Variants in SCFD2 observed in about 807,000 individuals in gnomAD.
The protein encoded by SCFD2 is sec1 family domain-containing protein 2.
In SCFD2, 54 loss-of-function variants were observed where a neutral mutation model predicts 58.9. That is an observed-to-expected ratio of 0.92 (90% confidence interval 0.74 to 1.15). The LOEUF (loss-of-function observed/expected upper bound fraction) is 1.15, where lower values mean the gene tolerates loss of function less well. Among genes scored for constraint, SCFD2 ranks in the 50% most tolerant of loss-of-function variants. SCFD2 has a pLI of 0.00. For synonymous variants in SCFD2, 321 were observed against 335.9 expected (o/e 0.96, Z 0.49); for missense variants, 805 against 836.6 (o/e 0.96, Z 0.47).
intron 4 of SCFD2, among the ~76,000 whole-genome samples, chr4:53,219,941 C>A (rs1264581377): frequency 2.6e-5 from 4 of 152,162 alleles, no homozygotes; most frequent in African/African-American, 9.7e-5. Context: ...CACTTCCAAA[C>A]ACTCACACCA....
At chr4:52,882,758 C>T (rs1718649277) in intron 8 of SCFD2, among the ~76,000 whole-genome samples, 1 of 152,166 alleles carries the variant, frequency 6.6e-6, no homozygotes, top group Non-Finnish European at 1.5e-5. Flanking sequence ...TATTGTGAGA[C>T]CTCACCTTGT....
rs774188396 is a variant in SCFD2 at position 53,365,827 on chromosome 4, C to A, written c.115G>T (p.Gly39Cys). Residue 39 changes from glycine (G) to cysteine (C), a missense_variant, in exon 1 of 9, where the codon GGC (glycine) becomes TGC (cysteine). Physicochemically the swap from Gly to Cys is radical, Grantham distance 159. This residue lies in a region of SCFD2 where 155 missense variants were observed against 149.7 expected (regional missense o/e 1.04). Transcript: ENST00000401642. The surrounding 1 kb of genome is among the most constrained non-coding windows in gnomAD (Gnocchi z 4.3). Reference sequence around the variant, plus strand: ...TCCAGGAGACGGGTGGATCCGCAGCCCCAGTGCAGGCTCTCGGCGCAGGCG... The same window carrying A: ...TCCAGGAGACGGGTGGATCCGCAGCACCAGTGCAGGCTCTCGGCGCAGGCG... The part of the protein sequence containing the change: ...DAACAESLHW[G>C]CGSTRLLEAV... The A allele has an allele frequency of 1.9e-6, 3 of 1,613,946 alleles. No individual in the cohort carries two copies. Among genetic ancestry groups the A allele is most frequent in the South Asian group, 2.2e-5 (2 of 91,058 alleles).
At chr4:53,016,273 G>A (rs1164247454) in intron 5 of SCFD2, among the ~76,000 whole-genome samples, 2 of 152,216 alleles carry the variant, frequency 1.3e-5, no homozygotes, top group South Asian at 2.1e-4. Context: ...TCCTATCCAA[G>A]GAGGAATCTT....
chr4:52,904,274 G>A (rs983430158), intron 7 of SCFD2, among the ~76,000 whole-genome samples: 3 of 152,226 alleles, frequency 2.0e-5, no homozygotes, highest in African/African-American at 7.2e-5. Context: ...AGCACCCTGA[G>A]CACAGGAAGG....
At chr4:53,163,909 T>C (rs187325763) in intron 4 of SCFD2, among the ~76,000 whole-genome samples, 17 of 152,290 alleles carry the variant, frequency 1.1e-4, no homozygotes, top group African/African-American at 3.8e-4. Context: ...CATCTTCTCC[T>C]CCTCTTTTAA....
chr4:53,016,819 C>A (rs144811273), intron 5 of SCFD2, among the ~76,000 whole-genome samples: 50 of 152,208 alleles, frequency 3.3e-4, no homozygotes, highest in East Asian at 3.1e-3. Context: ...TAAAAATGAT[C>A]AAGATCTGGC....
chr4:53,307,248 G>A (rs1163261476), intron 3 of SCFD2, among the ~76,000 whole-genome samples: 1 of 152,226 alleles, frequency 6.6e-6, no homozygotes, highest in African/African-American at 2.4e-5. Context: ...GGAAAGCAAT[G>A]AGAATAGGTA....
chr4:53,306,363 A>G (rs1241407313), intron 3 of SCFD2, among the ~76,000 whole-genome samples: 1 of 152,142 alleles, frequency 6.6e-6, no homozygotes, highest in Admixed American at 6.6e-5. Context: ...AGAGGGAGAG[A>G]TCAGAAGAGC....
At chr4:53,254,805 T>TTTTTATTTTATTTTA (rs71197009) in intron 4 of SCFD2, among the ~76,000 whole-genome samples, 6 of 138,968 alleles carry the variant, frequency 4.3e-5, no homozygotes, top group South Asian at 4.6e-4. Context: ...TTATTTTATT[T>TTTTTATTTTATTTTA]TTTTATTTTA....
At chr4:52,981,744 G>T (rs916726675) in intron 5 of SCFD2, among the ~76,000 whole-genome samples, 1 of 152,118 alleles carries the variant, frequency 6.6e-6, no homozygotes, top group African/African-American at 2.4e-5. Flanking sequence ...CAGGAGAGAC[G>T]GTCAGGGCTT....
chr4:53,278,095 A>G (rs541814939), intron 3 of SCFD2, among the ~76,000 whole-genome samples: 69 of 146,720 alleles, frequency 4.7e-4, no homozygotes, highest in African/African-American at 1.7e-3. Context: ...CGCCAGGCGC[A>G]GTGGCTCACG....
rs537061355 is a variant in SCFD2, at chr4:53,107,752, C to T, written c.1561+37581G>A. On this transcript the variant is annotated intron_variant, in intron 5 of 8. Transcript: ENST00000401642. ...AAGTTCTTACAGATCTGCAAAGAGACTTAGATGCCCACACAATCATAGTGG... is the reference window on the plus strand; with the variant it reads ...AAGTTCTTACAGATCTGCAAAGAGATTTAGATGCCCACACAATCATAGTGG... Among the ~76,000 whole-genome samples the T allele has an allele frequency of 6.3e-4, 96 of 152,296 alleles. 2 individuals carry two copies. Among genetic ancestry groups the T allele is most frequent in the Admixed American group, 5.6e-3 (86 of 15,292 alleles).
At chr4:53,077,213 G>A (rs541922627) in intron 5 of SCFD2, among the ~76,000 whole-genome samples, 11 of 152,086 alleles carry the variant, frequency 7.2e-5, no homozygotes, top group Admixed American at 3.9e-4. Context: ...TTTGATCAGC[G>A]CATTCAAAAC....
intron 5 of SCFD2, among the ~76,000 whole-genome samples, chr4:53,046,133 C>G (rs1025561709): frequency 1.3e-5 from 2 of 152,112 alleles, no homozygotes; most frequent in African/African-American, 4.8e-5. Context: ...GTTGAAATAT[C>G]CATACTAAAA....
chr4:53,277,909 T>C (rs1731378003), intron 3 of SCFD2, among the ~76,000 whole-genome samples: 2 of 151,682 alleles, frequency 1.3e-5, no homozygotes, highest in Admixed American at 6.6e-5. Context: ...AAAAATTAGT[T>C]GGGCTTGGTG....
chr4:52,938,336 G>C (rs1324143654), intron 5 of SCFD2, among the ~76,000 whole-genome samples: 1 of 152,164 alleles, frequency 6.6e-6, no homozygotes, highest in Non-Finnish European at 1.5e-5. Context: ...AACCCAGGCA[G>C]TCTGAGCCCA....
chr4:53,271,315 GCACACA>G (rs143526060), intron 4 of SCFD2, among the ~76,000 whole-genome samples: 4 of 147,260 alleles, frequency 2.7e-5, no homozygotes, highest in East Asian at 2.0e-4. Context: ...ACACACACAC[GCACACA>G]CACACACACA....
chr4:52,880,003 C>A (rs905823612), intron 8 of SCFD2, among the ~76,000 whole-genome samples: 4 of 152,200 alleles, frequency 2.6e-5, no homozygotes, highest in Non-Finnish European at 5.9e-5. Context: ...TATAGGCACA[C>A]GCACACATAC....
rs868121123 is a variant in SCFD2, at chr4:53,003,040, T to A, written c.1562-82170A>T. ...CAGAACAGCACTGAGGGGATGGTGCTAACCCATTCACAAGAACTCTGCCCC... is the reference window on the plus strand; with the variant it reads ...CAGAACAGCACTGAGGGGATGGTGCAAACCCATTCACAAGAACTCTGCCCC... On this transcript the variant is annotated intron_variant, in intron 5 of 8. Transcript: ENST00000401642. Among the ~76,000 whole-genome samples the A allele has an allele frequency of 2.0e-5, 3 of 152,296 alleles. 1 individual carries two copies. Among genetic ancestry groups the A allele is most frequent in the Middle Eastern group, 3.4e-3 (1 of 294 alleles).
Sources: allele counts gnomAD v4.1 joint callset (sites outside exome capture counted in the v4.1 genomes callset), GRCh38; gene constraint gnomAD v4.1.1; regional missense constraint gnomAD v4.1.1; non-coding constraint Gnocchi (gnomAD v3.1); transcripts MANE v1.5; gene names NCBI Gene and HGNC (gene_info 2026-07-23, HGNC 2026-07-21).